The following AGBL4 variants were observed in gnomAD, a reference collection of about 807,000 sequenced individuals.
AGBL4 encodes AGBL carboxypeptidase 4.
AGBL4 carries 58 observed loss-of-function variants against 66.4 expected under a neutral mutation model. The observed-to-expected ratio is 0.87, with a 90% CI of 0.71 to 1.09. The LOEUF (loss-of-function observed/expected upper bound fraction) is 1.09, where lower values mean the gene tolerates loss of function less well. Among genes scored for constraint, AGBL4 ranks in the 50% least tolerant of loss-of-function variants. The pLI is 0.00. For missense variants in AGBL4, 579 were observed against 631.0 expected, an observed-to-expected ratio of 0.92 and a Z score of 0.88; for synonymous variants, 234 against 222.9, an observed-to-expected ratio of 1.05 and a Z score of -0.44.
chr1:49,081,332 G>C (rs1557624736), intron 4 of AGBL4, among the ~76,000 whole-genome samples: 1 of 152,198 alleles, frequency 6.6e-6, no homozygotes, highest in Non-Finnish European at 1.5e-5. Context: ...CAGCTCTACA[G>C]TTTCCTAGCT....
chr1:48,650,461 C>A (rs923628755), intron 8 of AGBL4, among the ~76,000 whole-genome samples: 1 of 149,108 alleles, frequency 6.7e-6, no homozygotes, highest in Admixed American at 6.8e-5. Flanking sequence ...TTCCTTCCTT[C>A]CTTCCTTCCT....
chr1:49,674,658 A>G (rs905051454), intron 3 of AGBL4, among the ~76,000 whole-genome samples: 23 of 151,800 alleles, frequency 1.5e-4, no homozygotes, highest in Admixed American at 7.2e-4. Context: ...GAAGAAAAAA[A>G]TCTATTACCT....
chr1:48,671,197 T>TGCAGCATCTGAGCAGTGC (rs1471113700), intron 6 of AGBL4, among the ~76,000 whole-genome samples: 1 of 152,242 alleles, frequency 6.6e-6, no homozygotes, highest in Non-Finnish European at 1.5e-5. Context: ...CAGCATCTGT[T>TGCAGCATCTGAGCAGTGC]ATGCCAGCCA....
At chr1:48,966,165 G>A (rs977782145) in intron 5 of AGBL4, among the ~76,000 whole-genome samples, 74 of 152,082 alleles carry the variant, frequency 4.9e-4, no homozygotes, top group African/African-American at 1.7e-3. Flanking sequence ...GAGAATGGAC[G>A]TCAACCCATG....
intron 5 of AGBL4, among the ~76,000 whole-genome samples, chr1:48,911,091 A>G (rs1255741695): frequency 2.6e-5 from 4 of 152,208 alleles, no homozygotes; most frequent in Admixed American, 6.5e-5. Flanking sequence ...GATCCCATCA[A>G]GCTCATTCAT....
chr1:49,649,808 C>T (rs1343162), intron 3 of AGBL4, among the ~76,000 whole-genome samples: 64,172 of 151,814 alleles, frequency 0.42, 16,057 homozygotes, highest in Non-Finnish European at 0.57. Flanking sequence ...CTGGCCACAA[C>T]GGAATGAAAC....
intron 6 of AGBL4, among the ~76,000 whole-genome samples, chr1:48,852,937 C>T (rs1043869540): frequency 2.0e-5 from 3 of 152,138 alleles, no homozygotes; most frequent in East Asian, 3.9e-4. Context: ...TCCAGGATGC[C>T]CCTGAATGAA....
chr1:48,710,569 G>T (rs1024844725), intron 6 of AGBL4, among the ~76,000 whole-genome samples: 2 of 152,184 alleles, frequency 1.3e-5, no homozygotes, highest in African/African-American at 4.8e-5. Context: ...TAGTACAGCA[G>T]GGAGCCATGG....
intron 3 of AGBL4, among the ~76,000 whole-genome samples, chr1:49,616,547 A>T (rs1393494841): frequency 2.0e-5 from 3 of 152,150 alleles, no homozygotes; most frequent in African/African-American, 7.2e-5. Flanking sequence ...ATGGCTTTGA[A>T]TACCATAGGT....
intron 3 of AGBL4, among the ~76,000 whole-genome samples, chr1:49,292,829 A>G (rs1178755404): frequency 2.6e-5 from 4 of 152,130 alleles, no homozygotes; most frequent in African/African-American, 9.7e-5. Context: ...GTTACTCAAT[A>G]AAGCTCCTGT....
intron 3 of AGBL4, among the ~76,000 whole-genome samples, chr1:49,538,380 T>C (rs886241289): frequency 2.6e-5 from 4 of 152,162 alleles, no homozygotes; most frequent in African/African-American, 9.7e-5. Context: ...ATAACAGACA[T>C]TGGAGACTTG....
intron 3 of AGBL4, among the ~76,000 whole-genome samples, chr1:49,622,643 A>G (rs1409707216): frequency 6.6e-6 from 1 of 150,726 alleles, no homozygotes; most frequent in Non-Finnish European, 1.5e-5. Context: ...AAAAAAAAAA[A>G]AAAAAAAAAA....
At chr1:49,601,874 C>T (rs1644966423) in intron 3 of AGBL4, among the ~76,000 whole-genome samples, 1 of 152,140 alleles carries the variant, frequency 6.6e-6, no homozygotes, top group African/African-American at 2.4e-5. Flanking sequence ...AACTAAAGAG[C>T]TTCTGCACAG....
Position 49,940,178 on chromosome 1 carries a change from C to A in AGBL4, c.34+83585G>T, listed in dbSNP as rs576837281. ...TACCATCTCACACCAGTTAGAATGG[C>A]CATCATTAAAAAGTCAGGAAACAAC... On this transcript the variant is annotated intron_variant, in intron 1 of 13. Coordinates refer to ENST00000371839, the MANE Select transcript of AGBL4 (RefSeq NM_032785.4). Among the ~76,000 whole-genome samples the A allele has an allele frequency of 1.5e-4, 23 of 152,208 alleles. No individual in the cohort carries two copies. The Middle Eastern group carries it at 0.01, about 68-fold the overall frequency.
chr1:49,505,852 C>T lies in AGBL4; in HGVS notation c.282+191461G>A, dbSNP rs577037825. On this transcript the variant is annotated intron_variant, in intron 3 of 13. Transcript: ENST00000371839. ...CCTTTAGTCTCTCTCTTCTTAATTC[C>T]TATACCATGTACATTTGCTCTGTTG... 5.9e-5 allele frequency among the ~76,000 whole-genome samples: 9 copies of T among 151,974 alleles called. No individual in the cohort carries two copies. In the South Asian group the frequency reaches 6.2e-4, roughly 11 times the overall value.
At chr1:49,793,687 TG>T (rs1385950533) in intron 2 of AGBL4, among the ~76,000 whole-genome samples, 1 of 151,932 alleles carries the variant, frequency 6.6e-6, no homozygotes, top group Admixed American at 6.6e-5. Context: ...CAAGTGAAGA[TG>T]TTAAGCAGAC....
chr1:48,762,991 T>C (rs751850113), intron 6 of AGBL4, among the ~76,000 whole-genome samples: 1 of 152,096 alleles, frequency 6.6e-6, no homozygotes, highest in Non-Finnish European at 1.5e-5. Flanking sequence ...CACCGAACAG[T>C]GCCTGCTACA....
intron 3 of AGBL4, among the ~76,000 whole-genome samples, chr1:49,612,961 A>G (rs1396122079): frequency 6.6e-6 from 1 of 152,222 alleles, no homozygotes; most frequent in Non-Finnish European, 1.5e-5. Flanking sequence ...TATTCACAAT[A>G]GCAAAAACAT....
chr1:49,489,038 C>A (rs188960000), intron 3 of AGBL4, among the ~76,000 whole-genome samples: 1 of 151,732 alleles, frequency 6.6e-6, no homozygotes, highest in South Asian at 2.1e-4. Context: ...CCTATCTTTT[C>A]GGTATATATC....
Sources: gnomAD v4.1 joint callset for allele counts (sites outside exome capture counted in the v4.1 genomes callset) on GRCh38, gnomAD v4.1.1 for gene constraint, MANE v1.5 for transcripts, NCBI Gene and HGNC (gene_info 2026-07-23, HGNC 2026-07-21) for gene names.